The following SOX5 variants were observed in gnomAD, a reference collection of about 807,000 sequenced individuals.
The protein encoded by SOX5 is transcription factor SOX-5.
SOX5 carries 9 observed loss-of-function variants against 92.0 expected under a neutral mutation model. The ratio of observed to expected loss-of-function variants is 0.10; its 90% CI spans 0.06 to 0.17. The LOEUF is 0.17. Ranked by LOEUF, SOX5 falls within the 10% of genes least tolerant of loss-of-function variation. The pLI, the probability that SOX5 is intolerant of heterozygous loss-of-function variation, is 1.00. For synonymous variants in SOX5, 344 were observed against 336.3 expected (o/e 1.02, Z -0.25); for missense variants, 642 against 944.5 (o/e 0.68, Z 4.20).
chr12:23,631,812 T>C (rs2078574938), intron 8 of SOX5, among the ~76,000 whole-genome samples: 2 of 152,082 alleles, frequency 1.3e-5, no homozygotes. Context: ...TAAGACACCA[T>C]GAAGCTGCTG....
intron 11 of SOX5, among the ~76,000 whole-genome samples, chr12:23,559,566 G>A (rs950326035): frequency 1.3e-5 from 2 of 152,204 alleles, no homozygotes; most frequent in Non-Finnish European, 2.9e-5. Context: ...ACATATCACT[G>A]AGAAATCATC....
intron 3 of SOX5, among the ~76,000 whole-genome samples, chr12:23,822,841 C>T (rs2096147941): frequency 6.6e-6 from 1 of 152,158 alleles, no homozygotes; most frequent in South Asian, 2.1e-4. Flanking sequence ...GAATAGTTAA[C>T]TCTTCTTGTT....
intron 4 of SOX5, among the ~76,000 whole-genome samples, chr12:24,110,333 A>T (rs1377686982): frequency 6.6e-6 from 1 of 152,206 alleles, no homozygotes; most frequent in African/African-American, 2.4e-5. Context: ...CAACGCAGTC[A>T]TCTTTACCAT....
intron 2 of SOX5, among the ~76,000 whole-genome samples, chr12:23,877,592 G>T (rs1456203008): frequency 1.3e-5 from 2 of 151,996 alleles, no homozygotes; most frequent in African/African-American, 4.8e-5. Context: ...TCAAAGCAAA[G>T]ATCTAAAATT....
intron 7 of SOX5, among the ~76,000 whole-genome samples, chr12:23,642,600 T>G (rs912920299): frequency 7.2e-5 from 11 of 152,012 alleles, no homozygotes; most frequent in Non-Finnish European, 1.2e-4. Flanking sequence ...TGTAGGGAAG[T>G]GAGATCAATG....
chr12:24,009,237 G>A (rs1373630372), intron 4 of SOX5, among the ~76,000 whole-genome samples: 3 of 152,104 alleles, frequency 2.0e-5, no homozygotes, highest in South Asian at 4.2e-4. Flanking sequence ...ATCAAACATC[G>A]GGAGCAGAAA....
Position 24,182,255 on chromosome 12 carries a change from G to C in SOX5, c.-2+31088C>G, listed in dbSNP as rs181156592. Among the ~76,000 whole-genome samples the C allele has an allele frequency of 2.6e-3, 393 of 152,320 alleles. 5 individuals are homozygous for C. The highest frequency in any genetic ancestry group is 9.0e-3 in the African/African-American group (375 of 41,568). ...AAAAGGATACAGTATAGAATTTAAA[G>C]GGGATAAAATTTAAAGGGGAAAGGT... is the stretch of plus-strand genomic sequence containing the variant. On this transcript the variant is annotated intron_variant, in intron 4 of 4. Coordinates refer to the SOX5 transcript ENST00000446891.
chr12:23,770,032 G>A (rs1473161039), intron 3 of SOX5, among the ~76,000 whole-genome samples: 4 of 134,852 alleles, frequency 3.0e-5, no homozygotes, highest in Admixed American at 7.6e-5. Context: ...TATATTTCAA[G>A]TTAAATGCTC....
intron 4 of SOX5, among the ~76,000 whole-genome samples, chr12:24,150,765 A>G (rs901116900): frequency 1.2e-4 from 18 of 152,182 alleles, no homozygotes; most frequent in African/African-American, 4.3e-4. Context: ...AGAGACACCA[A>G]GTAAAACAAG....
chr12:23,949,541 T>C (rs2139798724), intron 1 of SOX5, 23 bp downstream of exon 1: 3 of 1,613,150 alleles, frequency 1.9e-6, no homozygotes, highest in Non-Finnish European at 2.5e-6. Context: ...TTCAATATAT[T>C]AGGGGGAAAA....
chr12:24,400,915 T>C (rs1194995718), intron 1 of SOX5, among the ~76,000 whole-genome samples: 1 of 152,208 alleles, frequency 6.6e-6, no homozygotes, highest in African/African-American at 2.4e-5. Context: ...TGGCCTGTGG[T>C]CCAAATCTGG....
chr12:24,457,894 A>G (rs893122563), intron 1 of SOX5, among the ~76,000 whole-genome samples: 3 of 152,186 alleles, frequency 2.0e-5, no homozygotes, highest in African/African-American at 7.2e-5. Context: ...ATGAGATAAA[A>G]TGAAATGTAA....
intron 3 of SOX5, among the ~76,000 whole-genome samples, chr12:23,811,063 TTG>T (rs1417784742): frequency 1.3e-5 from 2 of 152,150 alleles, no homozygotes; most frequent in Non-Finnish European, 2.9e-5. Flanking sequence ...GAGTAAGGTA[TTG>T]TGTTTTCCTC....
chr12:23,966,299 C>T (rs537319830), intron 4 of SOX5, among the ~76,000 whole-genome samples: 1 of 130,818 alleles, frequency 7.6e-6, no homozygotes, highest in East Asian at 2.3e-4. Context: ...AGGGAAGAAA[C>T]AAGTTTGCTT....
chr12:23,906,308 T>C (rs570396620), intron 1 of SOX5, among the ~76,000 whole-genome samples: 26 of 152,218 alleles, frequency 1.7e-4, no homozygotes, highest in Non-Finnish European at 3.4e-4. Flanking sequence ...TTTTTATTTA[T>C]AGTTAGAGAA....
At chr12:24,094,931 C>A (rs1415500889) in intron 4 of SOX5, among the ~76,000 whole-genome samples, 2 of 152,122 alleles carry the variant, frequency 1.3e-5, no homozygotes, top group Non-Finnish European at 1.5e-5. Flanking sequence ...TTGTCCTCCT[C>A]TTCAAAATTT....
At chr12:23,735,101 C>T (rs937579421) in intron 5 of SOX5, among the ~76,000 whole-genome samples, 2 of 152,128 alleles carry the variant, frequency 1.3e-5, no homozygotes, top group African/African-American at 2.4e-5. Flanking sequence ...CAGAGTGTTT[C>T]ACAAATGGAG....
chr12:24,290,357 G>C (rs116097783), intron 2 of SOX5, among the ~76,000 whole-genome samples: 1,537 of 152,216 alleles, frequency 0.01, 21 homozygotes, highest in African/African-American at 0.033. Context: ...AATATATTTG[G>C]CTAATGATAG....
intron 10 of SOX5, among the ~76,000 whole-genome samples, chr12:23,570,797 G>A (rs1438045025): frequency 6.7e-6 from 1 of 149,584 alleles, no homozygotes; most frequent in African/African-American, 2.5e-5. Context: ...TATAGTCCCA[G>A]CTACTCTGGA....
Sources: gnomAD v4.1 joint callset for allele counts (sites outside exome capture counted in the v4.1 genomes callset) on GRCh38, gnomAD v4.1.1 for gene constraint, MANE v1.5 for transcripts, NCBI Gene and HGNC (gene_info 2026-07-23, HGNC 2026-07-21) for gene names.